The following GNG7 variants were observed in gnomAD, a reference collection of about 807,000 sequenced individuals.
The protein encoded by GNG7 is G protein subunit gamma 7.
In GNG7, 1 loss-of-function variant was observed where a neutral mutation model predicts 4.0. That is an observed-to-expected ratio of 0.25 (90% confidence interval 0.09 to 1.18). GNG7 has a LOEUF of 1.18. GNG7 is among the 50% of genes most tolerant of loss of function. The pLI, the probability that GNG7 is intolerant of heterozygous loss-of-function variation, is 0.50. For synonymous variants in GNG7, 34 were observed against 36.9 expected (o/e 0.92, Z 0.29); for missense variants, 86 against 91.9 (o/e 0.94, Z 0.26).
At chr19:2,607,343 C>T (rs1272151643) in intron 2 of GNG7, among the ~76,000 whole-genome samples, 1 of 151,102 alleles carries the variant, frequency 6.6e-6, no homozygotes, top group Non-Finnish European at 1.5e-5. Flanking sequence ...CATGGAGAAA[C>T]CCTAACATTT....
intron 1 of GNG7, among the ~76,000 whole-genome samples, chr19:2,678,506 A>G (rs1435461976): frequency 6.6e-6 from 1 of 152,184 alleles, no homozygotes; most frequent in East Asian, 1.9e-4. Context: ...GGTGGGTCAC[A>G]CCCACTGTAC....
intron 1 of GNG7, among the ~76,000 whole-genome samples, chr19:2,667,616 A>G (rs1028656747): frequency 1.3e-5 from 2 of 151,956 alleles, no homozygotes; most frequent in Non-Finnish European, 2.9e-5. Context: ...CATCTCTACA[A>G]AAATAATTTA....
At chr19:2,624,312 G>A (rs564361480) in intron 2 of GNG7, among the ~76,000 whole-genome samples, 2 of 152,098 alleles carry the variant, frequency 1.3e-5, no homozygotes, top group South Asian at 2.1e-4. Context: ...GAAGGATCAC[G>A]AGGTCAGGAG....
intron 2 of GNG7, among the ~76,000 whole-genome samples, chr19:2,593,829 C>T (rs1421201073): frequency 6.9e-6 from 1 of 145,140 alleles, no homozygotes; most frequent in Non-Finnish European, 1.5e-5. Context: ...GTGGTCCATG[C>T]CATTTCCTTC....
chr19:2,617,722 ATT>A lies in GNG7; in HGVS notation c.-78+28500_-78+28501del, dbSNP rs80256787. Reference sequence around the variant, plus strand: ...CATCCTATTTTGTCTTTTCCTTTTTATTTTTTTTTTTTTTGAGATAGGGTCTT... The same window carrying A: ...CATCCTATTTTGTCTTTTCCTTTTTATTTTTTTTTTTTGAGATAGGGTCTT... On this transcript the variant is annotated intron_variant, in intron 2 of 4. Coordinates refer to ENST00000382159, the MANE Select transcript of GNG7 (RefSeq NM_052847.3). The surrounding 1 kb of genome is among the most constrained non-coding windows in gnomAD (Gnocchi z 4.7). 5.7e-5 allele frequency among the ~76,000 whole-genome samples: 8 copies of A among 139,242 alleles called. No homozygotes were observed. The highest frequency in any genetic ancestry group is 7.2e-5 in the Admixed American group (1 of 13,950). 91.3% of individuals were successfully genotyped at this position (139,242 alleles called of 152,430 possible).
chr19:2,616,313 C>T (rs747743678), intron 2 of GNG7, among the ~76,000 whole-genome samples: 1 of 152,076 alleles, frequency 6.6e-6, no homozygotes, highest in Admixed American at 6.6e-5. Context: ...GGCACGATCT[C>T]GACTCATTGC....
chr19:2,537,091 T>C lies in GNG7; in HGVS notation c.-37-16366A>G, dbSNP rs1429264638. On this transcript the variant is annotated intron_variant, in intron 3 of 4. Transcript: ENST00000382159. ...CCTCCCGAGTAGCTGGGACTACAGG[T>C]GCCCGCCACCGCGCCCGGCTAATTT... 8.6e-5 allele frequency among the ~76,000 whole-genome samples: 13 copies of C among 151,140 alleles called. No homozygotes were observed. In the South Asian group the frequency reaches 2.1e-3, roughly 24 times the overall value.
chr19:2,662,355 T>C (rs1403402471), intron 1 of GNG7, among the ~76,000 whole-genome samples: 1 of 151,466 alleles, frequency 6.6e-6, no homozygotes, highest in East Asian at 1.9e-4. Flanking sequence ...CCTAATTCGA[T>C]TCAGTTCAAT....
chr19:2,573,088 C>A (rs1192809280), intron 2 of GNG7, among the ~76,000 whole-genome samples: 1 of 143,834 alleles, frequency 7.0e-6, no homozygotes, highest in East Asian at 2.1e-4. Context: ...TGCAGTGGTG[C>A]GATCATGGCT....
intron 2 of GNG7, among the ~76,000 whole-genome samples, chr19:2,636,645 C>G (rs1982315646): frequency 6.6e-6 from 1 of 152,188 alleles, no homozygotes; most frequent in Non-Finnish European, 1.5e-5. Flanking sequence ...CCGCCTCCTG[C>G]CACGCACAAC....
intron 1 of GNG7, among the ~76,000 whole-genome samples, chr19:2,670,776 A>G (rs1053607892): frequency 1.3e-5 from 2 of 151,638 alleles, no homozygotes; most frequent in African/African-American, 4.8e-5. Flanking sequence ...AGTTGTGACA[A>G]CCACAATGTC....
chr19:2,691,471 G>C (rs1169029196), intron 1 of GNG7, among the ~76,000 whole-genome samples: 2 of 152,118 alleles, frequency 1.3e-5, no homozygotes, highest in Non-Finnish European at 2.9e-5. Context: ...TTGAGCCTGG[G>C]AGGCGGAGGT....
intron 2 of GNG7, among the ~76,000 whole-genome samples, chr19:2,612,296 C>T (rs139008117): frequency 9.8e-4 from 150 of 152,296 alleles, no homozygotes; most frequent in African/African-American, 3.2e-3. Flanking sequence ...CTCTGACCTC[C>T]GCCCACTCCA....
intron 2 of GNG7, among the ~76,000 whole-genome samples, chr19:2,586,800 A>G (rs1242437655): frequency 1.3e-5 from 2 of 151,718 alleles, no homozygotes; most frequent in Admixed American, 1.3e-4. Context: ...GCCTGGCCAA[A>G]ATGGTGAAAC....
chr19:2,527,649 G>C (rs1472789446), intron 3 of GNG7, among the ~76,000 whole-genome samples: 7 of 152,202 alleles, frequency 4.6e-5, no homozygotes, highest in African/African-American at 9.6e-5. Flanking sequence ...TCTACACCGG[G>C]AAGTTTAACT....
At chr19:2,553,635 T>C (rs968775222) in intron 3 of GNG7, among the ~76,000 whole-genome samples, 4 of 83,240 alleles carry the variant, frequency 4.8e-5, no homozygotes, top group African/African-American at 1.8e-4. Context: ...ACACGTTACA[T>C]GTAATATGTT....
chr19:2,649,124 C>G (rs1397488791), intron 1 of GNG7, among the ~76,000 whole-genome samples: 1 of 151,656 alleles, frequency 6.6e-6, no homozygotes, highest in Non-Finnish European at 1.5e-5. Flanking sequence ...AAAATAGAGA[C>G]AGGGTCTTTG....
chr19:2,573,615 G>A lies in GNG7; in HGVS notation c.-77-18427C>T, dbSNP rs561838934. Among the ~76,000 whole-genome samples the A allele has an allele frequency of 4.5e-3, 689 of 151,824 alleles. 5 individuals carry two copies. The highest frequency in any genetic ancestry group is 0.016 in the African/African-American group (649 of 41,478). ...GCAGATTACCTGAGGTCAGGAGTTC[G>A]AGACCAGCCTGGTCAACATGGTGAA... On this transcript the variant is annotated intron_variant, in intron 2 of 4. Coordinates refer to ENST00000382159, the MANE Select transcript of GNG7 (RefSeq NM_052847.3).
chr19:2,524,962 TCAGACA>T (rs1368666307), intron 3 of GNG7, among the ~76,000 whole-genome samples: 1 of 151,848 alleles, frequency 6.6e-6, no homozygotes, highest in Non-Finnish European at 1.5e-5. Context: ...ATGCCGAGAC[TCAGACA>T]CAGATTGCAT....
Sources: gnomAD v4.1 joint callset for allele counts (sites outside exome capture counted in the v4.1 genomes callset) on GRCh38, gnomAD v4.1.1 for gene constraint, Gnocchi (gnomAD v3.1) non-coding constraint, MANE v1.5 for transcripts, NCBI Gene and HGNC (gene_info 2026-07-23, HGNC 2026-07-21) for gene names.